EXOC4: variants seen among roughly 807,000 people sequenced by gnomAD.
EXOC4 encodes SEC8-like 1.
Under a neutral mutation model 107.2 loss-of-function variants are expected in EXOC4, and 71 were observed. The ratio of observed to expected loss-of-function variants is 0.66; its 90% CI spans 0.55 to 0.81. EXOC4 has a LOEUF of 0.81. EXOC4 is among the 30% of genes least tolerant of loss of function. The probability of loss-of-function intolerance (pLI) is 0.00; values close to 1 mark genes in which losing one functional copy is unlikely to be tolerated. For missense variants in EXOC4, 1,108 were observed against 1,189.6 expected (o/e 0.93, Z 1.01); for synonymous variants, 456 against 441.2 (o/e 1.03, Z -0.42).
intron 9 of EXOC4, among the ~76,000 whole-genome samples, chr7:133,620,010 T>TG (rs1563129389): frequency 3.9e-5 from 5 of 128,048 alleles, no homozygotes; most frequent in East Asian, 2.6e-4. Context: ...GTGTGTGTGT[T>TG]TGTTTTTTTT....
chr7:134,015,475 T>C (rs1414280669), intron 17 of EXOC4, among the ~76,000 whole-genome samples: 1 of 152,144 alleles, frequency 6.6e-6, no homozygotes, highest in African/African-American at 2.4e-5. Context: ...AGGAGTGAGA[T>C]GGTCAGATTT....
At chr7:133,597,525 G>A (rs1163222160) in intron 9 of EXOC4, among the ~76,000 whole-genome samples, 1 of 132,098 alleles carries the variant, frequency 7.6e-6, no homozygotes, top group Non-Finnish European at 1.5e-5. Context: ...TTGCACTCCA[G>A]CCTGGGCAAG....
chr7:134,033,021 G>C (rs1795302789), intron 17 of EXOC4, among the ~76,000 whole-genome samples: 1 of 152,180 alleles, frequency 6.6e-6, no homozygotes. Flanking sequence ...AACTGAGAAA[G>C]AATAGGAGGA....
At chr7:134,002,890 G>A (rs976366309) in intron 15 of EXOC4, among the ~76,000 whole-genome samples, 22 of 66,966 alleles carry the variant, frequency 3.3e-4, no homozygotes, top group Middle Eastern at 7.6e-3. Context: ...AAATGGTACA[G>A]CTCCTTTGGA....
chr7:134,034,069 G>A (rs866609968), intron 17 of EXOC4, among the ~76,000 whole-genome samples: 5 of 144,114 alleles, frequency 3.5e-5, no homozygotes, highest in South Asian at 2.2e-4. Flanking sequence ...AGAAAACGTC[G>A]TGTCTAAAAG....
In EXOC4 at chr7:133,997,580, A is replaced by T; in HGVS notation, c.2295A>T (p.Lys765Asn). The change falls in exon 15 of 18, where the codon AAA becomes AAT. Residue 765 changes from lysine (K) to asparagine (N), a missense_variant. Transcript: ENST00000253861. ...TGCAGACTCTCAGTGAACTTGCCAA[A>T]TCGTTCCAGGATATGGCTGACCGCT... ...QIMQTLSELA[K>N]SFQDMADRCL... The T allele has an allele frequency of 6.2e-7, 1 of 1,613,684 alleles. No individual in the cohort carries two copies. The highest frequency in any genetic ancestry group is 8.5e-7 in the Non-Finnish European group (1 of 1,179,774).
chr7:134,011,286 G>A (rs1039946453), intron 17 of EXOC4, among the ~76,000 whole-genome samples: 4 of 152,166 alleles, frequency 2.6e-5, no homozygotes, highest in Non-Finnish European at 5.9e-5. Context: ...GATGATTGGA[G>A]TCCCCAAGAT....
intron 9 of EXOC4, among the ~76,000 whole-genome samples, chr7:133,529,378 G>T (rs764847105): frequency 6.6e-6 from 1 of 152,164 alleles, no homozygotes; most frequent in African/African-American, 2.4e-5. Flanking sequence ...TGTATAAAAA[G>T]CAACTTTGCT....
chr7:133,487,371 A>G (rs1228112484), intron 9 of EXOC4, among the ~76,000 whole-genome samples: 1 of 152,228 alleles, frequency 6.6e-6, no homozygotes, highest in East Asian at 1.9e-4. Context: ...TAAAAGTTGA[A>G]CAAATGCATT....
chr7:133,536,287 C>CTT (rs1271697940), intron 9 of EXOC4, among the ~76,000 whole-genome samples: 1 of 152,120 alleles, frequency 6.6e-6, no homozygotes, highest in Non-Finnish European at 1.5e-5. Context: ...GTTTCTCATG[C>CTT]TTTTTAATTA....
intron 10 of EXOC4, among the ~76,000 whole-genome samples, chr7:133,760,443 GGGCTATAAAATCACT>G (rs1415587387): frequency 6.6e-6 from 1 of 152,108 alleles, no homozygotes; most frequent in African/African-American, 2.4e-5. Context: ...GCAGGAAAGT[GGGCTATAAAATCACT>G]GGCTATAAAA....
At chr7:133,260,520 TGCCTC>T (rs1162915880) in intron 1 of EXOC4, among the ~76,000 whole-genome samples, 1 of 152,156 alleles carries the variant, frequency 6.6e-6, no homozygotes, top group Non-Finnish European at 1.5e-5. Flanking sequence ...GTGACCCACT[TGCCTC>T]GGCCTCCCAA....
chr7:133,469,810 A>C (rs1468950331), intron 7 of EXOC4, among the ~76,000 whole-genome samples: 1 of 152,160 alleles, frequency 6.6e-6, no homozygotes, highest in African/African-American at 2.4e-5. Flanking sequence ...CTGGCCAGCT[A>C]GTTCATTCTT....
intron 10 of EXOC4, among the ~76,000 whole-genome samples, chr7:133,668,130 G>T (rs2151054006): frequency 6.6e-6 from 1 of 152,300 alleles, no homozygotes; most frequent in Non-Finnish European, 1.5e-5. Flanking sequence ...GCACTGTATG[G>T]TTTATATTCG....
rs199638264 is a variant in EXOC4 at position 134,064,403 on chromosome 7, C to T, written c.2800C>T (p.Arg934Cys). 53 of 1,606,146 alleles carry T rather than the reference C, an allele frequency of 3.3e-5. No individual in the cohort carries two copies. The highest frequency in any genetic ancestry group is 1.7e-4 in the Admixed American group (10 of 59,098). The change falls in exon 18 of 18, where the codon CGC (arginine) becomes TGC (cysteine). Residue 934 changes from arginine (R) to cysteine (C), a missense_variant. Arg to Cys is a radical substitution (Grantham distance 180, BLOSUM62 -3). Transcript: ENST00000253861. ...EYIHALTLLH[R>C]SQTGVGELTT... ...CATCCACGCTCTGACCCTGCTGCACCGCAGCCAGACTGGGGTGGGGGAACT... is the reference window on the plus strand; with the variant it reads ...CATCCACGCTCTGACCCTGCTGCACTGCAGCCAGACTGGGGTGGGGGAACT...
At chr7:133,461,032 A>G (rs1798580845) in intron 7 of EXOC4, among the ~76,000 whole-genome samples, 1 of 152,172 alleles carries the variant, frequency 6.6e-6, no homozygotes, top group South Asian at 2.1e-4. Flanking sequence ...CTTTAGATAG[A>G]TTGGTCAGAG....
chr7:134,098,287 G>A, the EXOC4 span, among the ~76,000 whole-genome samples: 3 of 152,108 alleles, frequency 2.0e-5, no homozygotes, highest in Non-Finnish European at 4.4e-5. Flanking sequence ...TCCCTCACCC[G>A]GTGACATCAG....
chr7:133,320,261 AAC>A (rs1563016769), intron 5 of EXOC4, among the ~76,000 whole-genome samples: 1 of 152,196 alleles, frequency 6.6e-6, no homozygotes, highest in Non-Finnish European at 1.5e-5. Context: ...TGAGAAGTCT[AAC>A]ACAAATCTGA....
At chr7:133,999,297 A>G (rs1421929817) in intron 15 of EXOC4, among the ~76,000 whole-genome samples, 1 of 152,176 alleles carries the variant, frequency 6.6e-6, no homozygotes, top group Non-Finnish European at 1.5e-5. Flanking sequence ...GACTCCAGTT[A>G]GAACTTGGAT....
Sources: gnomAD v4.1 joint callset for allele counts (sites outside exome capture counted in the v4.1 genomes callset) on GRCh38, gnomAD v4.1.1 for gene constraint, MANE v1.5 for transcripts, NCBI Gene and HGNC (gene_info 2026-07-23, HGNC 2026-07-21) for gene names.